The following FKBP5 variants were observed in gnomAD, a reference collection of about 807,000 sequenced individuals.
FKBP5 encodes peptidyl-prolyl cis-trans isomerase FKBP5.
A neutral mutation model predicts 50.5 loss-of-function variants in FKBP5; 23 were observed. The observed-to-expected ratio is 0.46, with a 90% CI of 0.33 to 0.65. FKBP5 has a LOEUF of 0.65. Ranked by LOEUF, FKBP5 falls within the 30% of genes least tolerant of loss-of-function variation. The probability of loss-of-function intolerance (pLI) is 0.02; values close to 1 mark genes in which losing one functional copy is unlikely to be tolerated. For synonymous variants in FKBP5, 176 were observed against 190.6 expected (o/e 0.92, Z 0.63); for missense variants, 411 against 553.1 (o/e 0.74, Z 2.58).
intron 1 of FKBP5, among the ~76,000 whole-genome samples, chr6:35,725,749 G>A (rs1766695606): frequency 6.6e-6 from 1 of 152,180 alleles, no homozygotes. Flanking sequence ...GGCCAGTGTA[G>A]GACTGGACAG....
At chr6:35,670,793 T>C (rs1489074072) in intron 1 of FKBP5, among the ~76,000 whole-genome samples, 1 of 151,330 alleles carries the variant, frequency 6.6e-6, no homozygotes, top group African/African-American at 2.4e-5. Flanking sequence ...TCTGTGTCAT[T>C]AGCTGCAGAG....
chr6:35,688,956 C>A, upstream of FKBP5: 1 of 151,702 alleles, frequency 6.6e-6, no homozygotes, highest in African/African-American at 2.4e-5. Flanking sequence ...GGGGCAGCGC[C>A]CGGCGCCGTC....
rs1278537681 is a variant in FKBP5 at position 35,667,057 on chromosome 6, GTA to G, written c.-20+21745_-20+21746del. On this transcript the variant is annotated intron_variant, in intron 1 of 10. Transcript: ENST00000357266. ...TGTGTGTGTGTGTGTGTGTGTGTGT[GTA>G]TACATAGATGCATGCCTTTTAAAAA... is the stretch of plus-strand genomic sequence containing the variant. Among the ~76,000 whole-genome samples, 4 of 132,548 alleles carry G rather than the reference GTA, an allele frequency of 3.0e-5. No individual in the cohort carries two copies. In the Admixed American group the frequency reaches 3.1e-4, roughly 10 times the overall value. The allele number at this position is 132,548 out of a possible 152,430, so 87.0% of individuals were successfully genotyped here.
At chr6:35,667,007 T>TTG (rs1172214185) in intron 1 of FKBP5, among the ~76,000 whole-genome samples, 2 of 130,548 alleles carry the variant, frequency 1.5e-5, no homozygotes, top group South Asian at 2.7e-4. Context: ...TTCACTTGTT[T>TTG]TGTGTGTGTG....
At position 35,575,937 on chromosome 6, in the gene FKBP5, C is replaced by T. The variant is rs1762198829; in HGVS notation, c.1272G>A (p.Glu424=). The T allele has an allele frequency of 6.2e-7, 1 of 1,603,710 alleles. No individual in the cohort carries two copies. ...TCTTCTTGCCCATTGCTTTATTGGC[C>T]TCTTCCTAAGGAAGAAATAAGCAAT... ...KKFAEQDAKE[E]ANKAMGKKTS... is the part of the protein sequence containing the mutation. The change falls in exon 11 of 11, where the codon GAG becomes GAA. Residue 424 remains glutamate (E), a synonymous_variant. Transcript: ENST00000357266.
chr6:35,622,044 A>G (rs1763861052), intron 3 of FKBP5, among the ~76,000 whole-genome samples: 1 of 152,222 alleles, frequency 6.6e-6, no homozygotes. Flanking sequence ...GATGAACCCC[A>G]GAGGAAGTGA....
chr6:35,625,112 C>T (rs1255435263), intron 3 of FKBP5, among the ~76,000 whole-genome samples: 1 of 152,210 alleles, frequency 6.6e-6, no homozygotes, highest in Non-Finnish European at 1.5e-5. Context: ...GAGACACGGT[C>T]TCACTTTGTT....
chr6:35,627,954 T>C lies in FKBP5; in HGVS notation c.251-7680A>G, dbSNP rs566410265. ...TTTTTTTTTTTTTTTTTTTTTTTAG[T>C]AGAGACGGGGTTTCACCATATTGGT... is the stretch of plus-strand genomic sequence containing the variant. On this transcript the variant is annotated intron_variant, in intron 3 of 10. Coordinates refer to ENST00000357266, the MANE Select transcript of FKBP5 (RefSeq NM_004117.4). 2.2e-4 allele frequency among the ~76,000 whole-genome samples: 27 copies of C among 121,420 alleles called. No homozygotes were observed. The East Asian group carries it at 5.7e-3, about 26-fold the overall frequency. The allele number at this position is 121,420 out of a possible 152,430, so 79.7% of individuals were successfully genotyped here.
At chr6:35,682,699 ATTC>A (rs1466646056) in intron 1 of FKBP5, among the ~76,000 whole-genome samples, 1 of 152,226 alleles carries the variant, frequency 6.6e-6, no homozygotes, top group Non-Finnish European at 1.5e-5. Context: ...TTCATCTCTT[ATTC>A]TTCTTTCCAA....
At chr6:35,626,769 T>C (rs549614268) in intron 3 of FKBP5, among the ~76,000 whole-genome samples, 94 of 152,340 alleles carry the variant, frequency 6.2e-4, no homozygotes, top group African/African-American at 2.2e-3. Context: ...CTTCACTTAG[T>C]ATAATGCCCT....
chr6:35,614,784 G>A (rs757574165), intron 5 of FKBP5, among the ~76,000 whole-genome samples: 1 of 152,098 alleles, frequency 6.6e-6, no homozygotes, highest in Non-Finnish European at 1.5e-5. Flanking sequence ...GTGTTGGATT[G>A]GAACTGGAAC....
At chr6:35,590,888 T>TA (rs199896008) in intron 7 of FKBP5, among the ~76,000 whole-genome samples, 23,227 of 131,058 alleles carry the variant, frequency 0.18, 1,941 homozygotes, top group African/African-American at 0.21. Context: ...CCAAAAAAGT[T>TA]AAAAAAAAAA....
chr6:35,702,190 T>G (rs970447480), intron 2 of FKBP5, among the ~76,000 whole-genome samples: 11 of 152,020 alleles, frequency 7.2e-5, no homozygotes, highest in Admixed American at 2.0e-4. Context: ...CTCTCTGGAC[T>G]CCTACATTTT....
In FKBP5 at chr6:35,620,149, C is replaced by T; in HGVS notation, c.376G>A (p.Ala126Thr). 6.2e-7 allele frequency: 1 copy of T among 1,614,118 alleles called. No individual in the cohort carries two copies. Residue 126 changes from alanine to threonine, a missense_variant, in exon 4 of 11, where the codon GCA (alanine) becomes ACA (threonine). This residue lies in a region of FKBP5 where 267 missense variants were observed against 405.9 expected (regional missense o/e 0.66). Transcript: ENST00000357266. ...ATACTTGCCTCAAAAAAGAGAGTTG[C>T]ATTCGAGGGAATTTTAGGGAGACTG... The part of the protein sequence containing the change: ...AGSLPKIPSN[A>T]TLFFEIELLD...
At chr6:35,638,574 C>T (rs891446158) in intron 2 of FKBP5, among the ~76,000 whole-genome samples, 3 of 152,030 alleles carry the variant, frequency 2.0e-5, no homozygotes, top group Admixed American at 6.6e-5. Context: ...CATGCCACCA[C>T]GCCTGGCAAA....
intron 1 of FKBP5, among the ~76,000 whole-genome samples, chr6:35,677,574 A>C (rs752803218): frequency 5.3e-5 from 8 of 152,246 alleles, no homozygotes; most frequent in Non-Finnish European, 1.0e-4. Flanking sequence ...CGGGCTGGGG[A>C]GAATTCATCC....
intron 5 of FKBP5, among the ~76,000 whole-genome samples, chr6:35,617,022 G>A (rs1217279330): frequency 1.3e-5 from 2 of 151,654 alleles, no homozygotes; most frequent in East Asian, 1.9e-4. Context: ...GGAAGCTAAC[G>A]CCCAGAGGTG....
chr6:35,613,126 G>A (rs868012094), intron 5 of FKBP5, among the ~76,000 whole-genome samples: 6 of 152,238 alleles, frequency 3.9e-5, no homozygotes, highest in Admixed American at 2.6e-4. Flanking sequence ...AGTAAATCAC[G>A]TATCTATAAC....
intron 1 of FKBP5, among the ~76,000 whole-genome samples, chr6:35,673,548 A>G (rs939187883): frequency 1.3e-5 from 2 of 152,156 alleles, no homozygotes; most frequent in Admixed American, 1.3e-4. Context: ...AAAGAAAAAA[A>G]AAGAAGAAAA....
Sources: gnomAD v4.1 joint callset for allele counts (sites outside exome capture counted in the v4.1 genomes callset) on GRCh38, gnomAD v4.1.1 for gene constraint, gnomAD v4.1.1 regional missense constraint, MANE v1.5 for transcripts, NCBI Gene and HGNC (gene_info 2026-07-23, HGNC 2026-07-21) for gene names.